The following NRXN1 variants were observed in gnomAD, a reference collection of about 807,000 sequenced individuals.
NRXN1 encodes neurexin-1.
A neutral mutation model predicts 150.9 loss-of-function variants in NRXN1; 39 were observed. The observed-to-expected ratio is 0.26, with a 90% confidence interval of 0.20 to 0.34. The LOEUF (loss-of-function observed/expected upper bound fraction) is 0.34. Ranked by LOEUF, NRXN1 falls within the 10% of genes least tolerant of loss-of-function variation. The pLI, the probability that NRXN1 is intolerant of heterozygous loss-of-function variation, is 1.00. For synonymous variants in NRXN1, 924 were observed against 757.0 expected, an observed-to-expected ratio of 1.22 and a Z score of -3.62; for missense variants, 1,815 against 1,949.9, an observed-to-expected ratio of 0.93 and a Z score of 1.30.
intron 12 of NRXN1, among the ~76,000 whole-genome samples, chr2:50,510,337 A>G (rs936949475): frequency 5.3e-5 from 8 of 151,724 alleles, no homozygotes; most frequent in Admixed American, 2.6e-4. Flanking sequence ...AATACAAAAA[A>G]TAGCTGGGTG....
At chr2:50,977,821 T>C (rs1190593689) in intron 2 of NRXN1, among the ~76,000 whole-genome samples, 2 of 151,852 alleles carry the variant, frequency 1.3e-5, no homozygotes, top group African/African-American at 4.8e-5. Flanking sequence ...TAAATGAGCA[T>C]GCAAAGCACA....
chr2:50,700,020 T>C (rs186116427), intron 5 of NRXN1, among the ~76,000 whole-genome samples: 5 of 152,302 alleles, frequency 3.3e-5, no homozygotes, highest in Non-Finnish European at 1.5e-5. Context: ...TATGTTTGCA[T>C]AATTAAAAGA....
chr2:50,019,095 CCAAAACA>C (rs2152556926), intron 21 of NRXN1: 1 of 306,190 alleles, frequency 3.3e-6, no homozygotes. Flanking sequence ...GCAAATCCTT[CCAAAACA>C]TTACCTCATC....
At position 49,982,587 on chromosome 2, in the gene NRXN1, G is replaced by A. The variant is rs1573210489; in HGVS notation, c.4129-38796C>T. 2.0e-5 allele frequency among the ~76,000 whole-genome samples: 3 copies of A among 151,956 alleles called. No individual in the cohort carries two copies. In the South Asian group the frequency reaches 6.3e-4, roughly 32 times the overall value. On this transcript the variant is annotated intron_variant, in intron 21 of 22. Transcript: ENST00000401669. Reference sequence around the variant, plus strand: ...TCTTCATTTCTTATTTGTATAGTTTGAATAGTTATAGTAATAAAGATATAA... The same window carrying A: ...TCTTCATTTCTTATTTGTATAGTTTAAATAGTTATAGTAATAAAGATATAA...
chr2:50,773,457 C>T (rs1703246610), intron 5 of NRXN1, among the ~76,000 whole-genome samples: 1 of 152,072 alleles, frequency 6.6e-6, no homozygotes, highest in Non-Finnish European at 1.5e-5. Flanking sequence ...TAAAAGCTGC[C>T]AGATAGAAGG....
At chr2:50,589,311 G>A (rs994802906) in intron 8 of NRXN1, 4 of 152,226 alleles carry the variant, frequency 2.6e-5, no homozygotes, top group African/African-American at 9.7e-5. Flanking sequence ...CCCCTAGAAT[G>A]GAGGAGATAC....
intron 5 of NRXN1, among the ~76,000 whole-genome samples, chr2:50,805,201 G>A (rs1005445214): frequency 6.6e-6 from 1 of 151,936 alleles, no homozygotes; most frequent in South Asian, 2.1e-4. Context: ...TAAAGGAATT[G>A]CACAAATTAC....
intron 17 of NRXN1, among the ~76,000 whole-genome samples, chr2:50,329,403 T>C (rs2076596039): frequency 6.6e-6 from 1 of 150,574 alleles, no homozygotes; most frequent in Admixed American, 6.6e-5. Context: ...ATAATTGCAA[T>C]CTGGGAGGCC....
At chr2:50,008,092 T>A (rs539749073) in intron 21 of NRXN1, among the ~76,000 whole-genome samples, 1 of 152,146 alleles carries the variant, frequency 6.6e-6, no homozygotes, top group Admixed American at 6.6e-5. Flanking sequence ...AGAGACAAGA[T>A]TATTTATACA....
intron 15 of NRXN1, 50 bp downstream of exon 15, chr2:50,495,855 G>C (rs376828846): frequency 1.4e-6 from 2 of 1,477,368 alleles, no homozygotes; most frequent in Non-Finnish European, 1.8e-6. Context: ...TCCATGTGAA[G>C]GGAGACCGTG....
At chr2:50,995,602 CAAAAAA>C (rs34952996) in intron 2 of NRXN1, among the ~76,000 whole-genome samples, 1 of 71,932 alleles carries the variant, frequency 1.4e-5, no homozygotes, top group Admixed American at 1.5e-4. Context: ...TAGACTCTGT[CAAAAAA>C]AAAAAAAAAA....
At position 49,955,145 on chromosome 2, in the gene NRXN1, G is replaced by T. The variant is rs79201970; in HGVS notation, c.4129-11354C>A. Among the ~76,000 whole-genome samples the T allele has an allele frequency of 5.2e-4, 79 of 152,080 alleles. 6 individuals carry two copies. In the East Asian group the frequency reaches 5.2e-3, roughly 10 times the overall value. ...CATTTTAAATAATCTTACTCTTGAT[G>T]GTCATCCACTCTAAGCTCACTACAT... On this transcript the variant is annotated intron_variant, in intron 21 of 22. Transcript: ENST00000401669.
chr2:50,532,764 A>T lies in NRXN1; in HGVS notation c.2144-1334T>A, dbSNP rs1422481402. On this transcript the variant is annotated intron_variant, in intron 10 of 22. Transcript: ENST00000401669. ...GTCTTAAACACACAAAGAAATGAAT[A>T]AAAAAAAAACTGTTGATGACAACCT... Among the ~76,000 whole-genome samples the T allele has an allele frequency of 2.7e-5, 4 of 146,382 alleles. No individual in the cohort carries two copies. In the East Asian group the frequency reaches 7.8e-4, roughly 29 times the overall value.
chr2:50,305,008 T>C (rs2074488738), intron 17 of NRXN1, among the ~76,000 whole-genome samples: 1 of 152,078 alleles, frequency 6.6e-6, no homozygotes, highest in African/African-American at 2.4e-5. Flanking sequence ...GGGAATTGCT[T>C]GAACGTGGGA....
chr2:50,031,157 T>C (rs1354613291), intron 21 of NRXN1, among the ~76,000 whole-genome samples: 1 of 152,064 alleles, frequency 6.6e-6, no homozygotes, highest in Admixed American at 6.6e-5. Flanking sequence ...TCCAATGACT[T>C]AAGAAAGTGG....
At chr2:49,979,391 A>G (rs1187598449) in intron 21 of NRXN1, among the ~76,000 whole-genome samples, 2 of 152,234 alleles carry the variant, frequency 1.3e-5, no homozygotes, top group Non-Finnish European at 2.9e-5. Flanking sequence ...ATGCTGTATT[A>G]AGGCACGGAG....
At chr2:50,372,640 T>G (rs2080113224) in intron 17 of NRXN1, among the ~76,000 whole-genome samples, 1 of 152,096 alleles carries the variant, frequency 6.6e-6, no homozygotes, top group Non-Finnish European at 1.5e-5. Flanking sequence ...ATTTCAAATG[T>G]CAGAAAAATG....
At chr2:50,017,078 T>G (rs1489439412) in intron 21 of NRXN1, among the ~76,000 whole-genome samples, 1 of 152,144 alleles carries the variant, frequency 6.6e-6, no homozygotes, top group East Asian at 1.9e-4. Context: ...TCAGGAATAA[T>G]ACTGGAAATT....
chr2:51,023,815 T>A (rs541386997), intron 2 of NRXN1, among the ~76,000 whole-genome samples: 1 of 152,342 alleles, frequency 6.6e-6, no homozygotes, highest in African/African-American at 2.4e-5. Flanking sequence ...TGTGGTTGCC[T>A]ATCTGGTCAC....
Sources: allele counts gnomAD v4.1 joint callset (sites outside exome capture counted in the v4.1 genomes callset), GRCh38; gene constraint gnomAD v4.1.1; transcripts MANE v1.5; gene names NCBI Gene and HGNC (gene_info 2026-07-23, HGNC 2026-07-21).